FHIT: variants seen among roughly 807,000 people sequenced by gnomAD.
FHIT encodes the protein bis(5'-adenosyl)-triphosphatase.
A neutral mutation model predicts 17.9 loss-of-function variants in FHIT; 19 were observed. That is an observed-to-expected ratio of 1.06 (90% CI 0.74 to 1.56). The LOEUF (loss-of-function observed/expected upper bound fraction) is 1.56. FHIT is among the 40% of genes most tolerant of loss of function. FHIT has a pLI of 0.00. For synonymous variants in FHIT, 81 were observed against 69.7 expected (o/e 1.16, Z -0.81); for missense variants, 248 against 189.2 (o/e 1.31, Z -1.82).
intron 3 of FHIT, among the ~76,000 whole-genome samples, chr3:61,012,114 T>C (rs2031824535): frequency 6.6e-6 from 1 of 152,176 alleles, no homozygotes; most frequent in Non-Finnish European, 1.5e-5. Flanking sequence ...CAAGAGAATC[T>C]TGTCCAAAAA....
At chr3:61,224,824 C>G (rs550285531) in intron 1 of FHIT, among the ~76,000 whole-genome samples, 6 of 152,254 alleles carry the variant, frequency 3.9e-5, no homozygotes, top group African/African-American at 1.4e-4. Context: ...AAATCGGCAG[C>G]ATGTACATAT....
intron 4 of FHIT, among the ~76,000 whole-genome samples, chr3:60,622,505 T>C (rs72889659): frequency 0.014 from 2,174 of 152,246 alleles, 61 homozygotes; most frequent in African/African-American, 0.05. Flanking sequence ...GTGAATTGTA[T>C]CCACAGGGAC....
At chr3:60,915,106 A>C (rs1179449988) in intron 3 of FHIT, among the ~76,000 whole-genome samples, 1 of 152,160 alleles carries the variant, frequency 6.6e-6, no homozygotes, top group Admixed American at 6.5e-5. Context: ...CAGAGAGTGA[A>C]ATTTACAAGT....
intron 4 of FHIT, among the ~76,000 whole-genome samples, chr3:60,810,680 A>G (rs1431309408): frequency 2.6e-5 from 4 of 152,136 alleles, no homozygotes; most frequent in Non-Finnish European, 4.4e-5. Context: ...CCAAGTCCTC[A>G]AGTCTTGATG....
intron 4 of FHIT, among the ~76,000 whole-genome samples, chr3:60,646,449 G>C (rs1413242043): frequency 6.6e-6 from 1 of 152,046 alleles, no homozygotes; most frequent in African/African-American, 2.4e-5. Flanking sequence ...CTTTATCTGG[G>C]ACTGTCAAAA....
At chr3:60,027,149 A>ACAC (rs1466397671) in intron 5 of FHIT, among the ~76,000 whole-genome samples, 1 of 109,758 alleles carries the variant, frequency 9.1e-6, no homozygotes, top group Non-Finnish European at 1.8e-5. Flanking sequence ...ACACACACAC[A>ACAC]AAATTAGTAA....
intron 7 of FHIT, among the ~76,000 whole-genome samples, chr3:59,958,317 T>C (rs758270510): frequency 6.6e-6 from 1 of 152,184 alleles, no homozygotes; most frequent in Non-Finnish European, 1.5e-5. Flanking sequence ...ATTCTTTTAA[T>C]AGATCTTGGA....
intron 7 of FHIT, among the ~76,000 whole-genome samples, chr3:60,000,503 G>C (rs1699687483): frequency 6.6e-6 from 1 of 152,108 alleles, no homozygotes; most frequent in Non-Finnish European, 1.5e-5. Flanking sequence ...AAAGAAGTCT[G>C]CCAACCCCTG....
At chr3:60,241,970 T>C (rs989491780) in intron 5 of FHIT, among the ~76,000 whole-genome samples, 3 of 152,062 alleles carry the variant, frequency 2.0e-5, no homozygotes, top group South Asian at 4.1e-4. Flanking sequence ...AGAAAAATTG[T>C]GGTAACAATC....
At chr3:59,781,112 T>C (rs1238846605) in intron 8 of FHIT, among the ~76,000 whole-genome samples, 1 of 152,166 alleles carries the variant, frequency 6.6e-6, no homozygotes. Context: ...GAAAAAGGCA[T>C]GTAGGATCTT....
chr3:60,742,983 A>G (rs928572175), intron 4 of FHIT, among the ~76,000 whole-genome samples: 1 of 152,238 alleles, frequency 6.6e-6, no homozygotes, highest in South Asian at 2.1e-4. Context: ...GCAAGTTGAC[A>G]ACACCCAGGC....
intron 5 of FHIT, among the ~76,000 whole-genome samples, chr3:60,345,309 T>C (rs1432456135): frequency 6.6e-6 from 1 of 152,126 alleles, no homozygotes; most frequent in African/African-American, 2.4e-5. Context: ...CACTAACTCA[T>C]CAATTAGAGA....
At chr3:60,718,194 A>G (rs1468752989) in intron 4 of FHIT, among the ~76,000 whole-genome samples, 1 of 152,216 alleles carries the variant, frequency 6.6e-6, no homozygotes, top group Non-Finnish European at 1.5e-5. Context: ...TTCAAGAGAA[A>G]AGACAAACTT....
At chr3:60,604,115 A>G (rs1553670003) in intron 4 of FHIT, among the ~76,000 whole-genome samples, 2 of 152,204 alleles carry the variant, frequency 1.3e-5, no homozygotes, top group African/African-American at 4.8e-5. Context: ...GCAGCAGAAG[A>G]GAAGGCTATC....
At chr3:59,816,812 T>C (rs1005170602) in intron 8 of FHIT, among the ~76,000 whole-genome samples, 8 of 152,240 alleles carry the variant, frequency 5.3e-5, no homozygotes, top group African/African-American at 1.4e-4. Flanking sequence ...CTTCAGGATA[T>C]GGCAAATTGT....
intron 3 of FHIT, among the ~76,000 whole-genome samples, chr3:60,963,782 TG>T (rs1709578069): frequency 2.0e-5 from 3 of 152,236 alleles, no homozygotes; most frequent in Admixed American, 6.5e-5. Flanking sequence ...TTGATTGCAC[TG>T]TGGTCTGAGA....
intron 4 of FHIT, among the ~76,000 whole-genome samples, chr3:60,737,925 G>T (rs1553713025): frequency 6.6e-6 from 1 of 152,016 alleles, no homozygotes. Context: ...CTAATATTTG[G>T]GACCATAATA....
chr3:59,821,917 T>G (rs1372533214), intron 8 of FHIT, among the ~76,000 whole-genome samples: 1 of 152,194 alleles, frequency 6.6e-6, no homozygotes, highest in African/African-American at 2.4e-5. Context: ...CAGTATACAC[T>G]GAACCCAATT....
At chr3:60,710,723 G>A (rs2041504177) in intron 4 of FHIT, among the ~76,000 whole-genome samples, 2 of 152,200 alleles carry the variant, frequency 1.3e-5, no homozygotes, top group South Asian at 4.1e-4. Flanking sequence ...CTGGGGAAGG[G>A]GCGACCGCCA....
Sources: allele counts gnomAD v4.1 joint callset (sites outside exome capture counted in the v4.1 genomes callset), GRCh38; gene constraint gnomAD v4.1.1; transcripts MANE v1.5; gene names NCBI Gene and HGNC (gene_info 2026-07-23, HGNC 2026-07-21).